PCDH15: variants seen among roughly 807,000 people sequenced by gnomAD.
The protein encoded by PCDH15 is protocadherin related 15.
Under a neutral mutation model 178.5 loss-of-function variants are expected in PCDH15, and 129 were observed. The ratio of observed to expected loss-of-function variants is 0.72; its 90% CI spans 0.63 to 0.84. PCDH15 has a LOEUF of 0.84. Among genes scored for constraint, PCDH15 ranks in the 40% least tolerant of loss-of-function variants. The probability of loss-of-function intolerance (pLI) is 0.00; values close to 1 mark genes in which losing one functional copy is unlikely to be tolerated. For missense variants in PCDH15, 2,230 were observed against 2,099.9 expected (o/e 1.06, Z -1.21); for synonymous variants, 800 against 732.0 (o/e 1.09, Z -1.50).
At chr10:54,969,448 G>A (rs1053586131) in intron 2 of PCDH15, among the ~76,000 whole-genome samples, 3 of 152,148 alleles carry the variant, frequency 2.0e-5, no homozygotes, top group African/African-American at 7.2e-5. Flanking sequence ...TTAGTCCTAT[G>A]TGAATGTTGA....
chr10:55,454,071 C>T (rs750320685), intron 2 of PCDH15, among the ~76,000 whole-genome samples: 16 of 151,760 alleles, frequency 1.1e-4, no homozygotes, highest in African/African-American at 2.7e-4. Context: ...GAAATGATTC[C>T]GTTGACCAGA....
At chr10:55,557,352 G>A (rs1842112057) in intron 2 of PCDH15, among the ~76,000 whole-genome samples, 1 of 151,974 alleles carries the variant, frequency 6.6e-6, no homozygotes, top group Non-Finnish European at 1.5e-5. Context: ...TTACTTTTCT[G>A]GAAAATATTG....
At chr10:55,326,500 A>C (rs974025654) in intron 2 of PCDH15, among the ~76,000 whole-genome samples, 3 of 152,112 alleles carry the variant, frequency 2.0e-5, no homozygotes, top group Admixed American at 1.3e-4. Context: ...CAAATACTGC[A>C]GCTTGCCTGT....
At chr10:54,754,419 A>T (rs1946783503) in intron 1 of PCDH15, among the ~76,000 whole-genome samples, 1 of 152,160 alleles carries the variant, frequency 6.6e-6, no homozygotes, top group Non-Finnish European at 1.5e-5. Context: ...CATATCAAAT[A>T]TAATTTAAAA....
In PCDH15 at chr10:53,803,111, G is replaced by A. The variant is rs530473074; in HGVS notation, c.*3468C>T. The A allele has an allele frequency of 6.6e-6, 1 of 151,846 alleles. No homozygotes were observed. The highest frequency in any genetic ancestry group is 1.5e-5 in the Non-Finnish European group (1 of 67,790). The allele number at this position is 151,846 out of a possible 1,614,324, so 9.4% of individuals were successfully genotyped here. On this transcript the variant is annotated 3_prime_UTR_variant, in exon 38 of 38. Coordinates refer to ENST00000644397, the MANE Select transcript of PCDH15 (RefSeq NM_001384140.1). ...GAACAAAAATTTCACATACCATTTG[G>A]GAATAGAAAGAAACTATCTATAAAA... is the stretch of plus-strand genomic sequence containing the variant.
At chr10:55,082,508 A>G (rs1272763404) in intron 2 of PCDH15, among the ~76,000 whole-genome samples, 1 of 151,756 alleles carries the variant, frequency 6.6e-6, no homozygotes, top group Non-Finnish European at 1.5e-5. Context: ...AAGAATTAGA[A>G]AAGCAAAACC....
intron 11 of PCDH15, among the ~76,000 whole-genome samples, chr10:54,187,260 CTTCCT>C (rs1564632438): frequency 6.6e-6 from 1 of 151,850 alleles, no homozygotes; most frequent in African/African-American, 2.4e-5. Flanking sequence ...AATTTATTTT[CTTCCT>C]TTCAACCGTA....
At chr10:54,247,864 T>C (rs535361758) in intron 8 of PCDH15, among the ~76,000 whole-genome samples, 135 of 142,270 alleles carry the variant, frequency 9.5e-4, no homozygotes, top group Non-Finnish European at 1.7e-3. Context: ...CAAGACTCTT[T>C]CTCAAAAAAA....
chr10:55,551,285 T>C (rs1378235584), intron 2 of PCDH15, among the ~76,000 whole-genome samples: 1 of 152,030 alleles, frequency 6.6e-6, no homozygotes, highest in Non-Finnish European at 1.5e-5. Context: ...ATCACACTGC[T>C]AAATTTAATT....
At chr10:54,901,835 G>A (rs528587665) in intron 2 of PCDH15, among the ~76,000 whole-genome samples, 47 of 152,080 alleles carry the variant, frequency 3.1e-4, no homozygotes, top group African/African-American at 1.1e-3. Flanking sequence ...AAAAGTTCTA[G>A]GAATAAATCC....
chr10:54,362,820 T>A (rs970381439), intron 5 of PCDH15, among the ~76,000 whole-genome samples: 4 of 152,118 alleles, frequency 2.6e-5, no homozygotes, highest in Admixed American at 2.0e-4. Context: ...AATTTCTCTC[T>A]AATGTTTTAT....
intron 2 of PCDH15, among the ~76,000 whole-genome samples, chr10:55,033,741 GA>G (rs1840667977): frequency 6.6e-6 from 1 of 152,116 alleles, no homozygotes; most frequent in Admixed American, 6.6e-5. Context: ...TGGAATAAAT[GA>G]ATTTTTTTTA....
intron 2 of PCDH15, among the ~76,000 whole-genome samples, chr10:55,627,442 G>A (rs1177813689): frequency 6.6e-6 from 1 of 152,084 alleles, no homozygotes; most frequent in Non-Finnish European, 1.5e-5. Flanking sequence ...ACATTCAGGC[G>A]ATGAGCTTTG....
At chr10:54,034,779 T>C (rs1439208722) in intron 18 of PCDH15, among the ~76,000 whole-genome samples, 1 of 151,898 alleles carries the variant, frequency 6.6e-6, no homozygotes. Flanking sequence ...TAGGTAACTA[T>C]TTTAGAATCA....
chr10:55,396,486 C>T (rs1363785601), intron 2 of PCDH15, among the ~76,000 whole-genome samples: 1 of 152,178 alleles, frequency 6.6e-6, no homozygotes, highest in Non-Finnish European at 1.5e-5. Flanking sequence ...TCAAGATTTA[C>T]ATCAAGGTGA....
At chr10:54,359,119 C>A (rs1217688715) in intron 5 of PCDH15, among the ~76,000 whole-genome samples, 2 of 151,646 alleles carry the variant, frequency 1.3e-5, no homozygotes, top group African/African-American at 2.4e-5. Context: ...ATGTAACTAA[C>A]CTGCACATTG....
At chr10:54,718,119 G>A (rs1322564860) in intron 1 of PCDH15, among the ~76,000 whole-genome samples, 5 of 148,904 alleles carry the variant, frequency 3.4e-5, no homozygotes, top group Non-Finnish European at 1.5e-5. Context: ...TGTGGGGTGC[G>A]GGGAGAGGGG....
At chr10:55,166,176 G>C (rs1278903462) in intron 2 of PCDH15, among the ~76,000 whole-genome samples, 1 of 151,974 alleles carries the variant, frequency 6.6e-6, no homozygotes, top group East Asian at 1.9e-4. Flanking sequence ...AGTTCAAAAA[G>C]AGCCATCGAC....
At chr10:55,585,441 G>A (rs1034134153) in intron 2 of PCDH15, among the ~76,000 whole-genome samples, 1 of 152,144 alleles carries the variant, frequency 6.6e-6, no homozygotes, top group Non-Finnish European at 1.5e-5. Flanking sequence ...TATTTTGAGA[G>A]GCCAAGGAGG....
Sources: allele counts gnomAD v4.1 joint callset (sites outside exome capture counted in the v4.1 genomes callset), GRCh38; gene constraint gnomAD v4.1.1; transcripts MANE v1.5; gene names NCBI Gene and HGNC (gene_info 2026-07-23, HGNC 2026-07-21).